The following GABRQ variants were observed in gnomAD, a reference collection of about 807,000 sequenced individuals.
GABRQ encodes the protein gamma-aminobutyric acid type A receptor subunit theta, also known as gamma-aminobutyric acid receptor subunit theta.
In GABRQ, 19 loss-of-function variants were observed where a neutral mutation model predicts 30.5. That is an observed-to-expected ratio of 0.62 (90% CI 0.43 to 0.91). The LOEUF (loss-of-function observed/expected upper bound fraction) is 0.91, where lower values mean the gene tolerates loss of function less well. GABRQ is among the 40% of genes least tolerant of loss of function. The pLI is 0.00. For missense variants in GABRQ, 520 were observed against 521.4 expected (o/e 1.00, Z 0.03); for synonymous variants, 187 against 210.2 (o/e 0.89, Z 0.95).
intron 2 of GABRQ, among the ~76,000 whole-genome samples, chrX:152,642,607 G>A (rs1212737714): frequency 8.9e-6 from 1 of 112,671 alleles, no homozygotes; most frequent in Admixed American, 9.3e-5. Context: ...GTGAAGGAAT[G>A]AAGGAGATAT....
intron 3 of GABRQ, among the ~76,000 whole-genome samples, chrX:152,645,869 C>T (rs1265122070): frequency 8.9e-6 from 1 of 112,606 alleles, no homozygotes; most frequent in Non-Finnish European, 1.9e-5. Context: ...GGCTTTATGT[C>T]TTGCAGTAGG....
intron 5 of GABRQ, 63 bp downstream of exon 5, chrX:152,649,396 G>A: frequency 1.5e-6 from 1 of 686,488 alleles, no homozygotes; most frequent in Non-Finnish European, 2.4e-6. Context: ...GGGAAGCAGA[G>A]GCTGAATTGA....
At chrX:152,642,494 A>G (rs1186581860) in intron 2 of GABRQ, among the ~76,000 whole-genome samples, 2 of 112,647 alleles carry the variant, frequency 1.8e-5, no homozygotes, top group Non-Finnish European at 1.9e-5. Context: ...AACAAAGCCA[A>G]TTCCTTCTAG....
intron 3 of GABRQ, among the ~76,000 whole-genome samples, 182 bp from the exon 4 acceptor site, chrX:152,646,762 TACAC>T (rs1930896185): frequency 8.9e-6 from 1 of 111,890 alleles, no homozygotes; most frequent in African/African-American, 3.3e-5. Context: ...GGATTCTAAT[TACAC>T]AAGATTCATT....
rs369868158 is a variant in GABRQ, at chrX:152,644,091, G to A, written c.239-1436G>A. 1.0e-4 allele frequency among the ~76,000 whole-genome samples: 11 copies of A among 110,359 alleles called. No homozygotes were observed. In the East Asian group the frequency reaches 2.9e-3, roughly 29 times the overall value. ...CTACACACGTTATATACGAGACCACGCTCAAATTCACTCACACATTAACAC... is the reference window on the plus strand; with the variant it reads ...CTACACACGTTATATACGAGACCACACTCAAATTCACTCACACATTAACAC... On this transcript the variant is annotated intron_variant, in intron 2 of 8. Coordinates refer to ENST00000598523, the MANE Select transcript of GABRQ (RefSeq NM_018558.4).
At position 152,653,734 on chromosome X, in the gene GABRQ, A is replaced by G. The variant is rs182126670; in HGVS notation, c.*453A>G. On this transcript the variant is annotated 3_prime_UTR_variant, in exon 9 of 9. Coordinates refer to ENST00000598523, the MANE Select transcript of GABRQ (RefSeq NM_018558.4). ...TTTTCTTCTTTTTTTGTTTCCTCCTAGGGATTATGGGTCTTGTTCACCCTC... is the reference window on the plus strand; with the variant it reads ...TTTTCTTCTTTTTTTGTTTCCTCCTGGGGATTATGGGTCTTGTTCACCCTC... 224 of 115,334 alleles carry G rather than the reference A, an allele frequency of 1.9e-3. No individual in the cohort carries two copies. Among genetic ancestry groups the G allele is most frequent in the African/African-American group, 6.9e-3 (212 of 30,523 alleles). The allele number at this position is 115,334 out of a possible 1,213,427, so 9.5% of individuals were successfully genotyped here.
chrX:152,652,506 T>A, intron 8 of GABRQ, 35 bp from the exon 9 acceptor site: 1 of 1,155,032 alleles, frequency 8.7e-7, no homozygotes, highest in Non-Finnish European at 1.2e-6. Flanking sequence ...CTAGGCGATA[T>A]GAAACTGATG....
chrX:152,646,892 A>G, intron 3 of GABRQ, 56 bp from the exon 4 acceptor site: 2 of 804,291 alleles, frequency 2.5e-6, no homozygotes, highest in Non-Finnish European at 3.8e-6. Context: ...ACACACACCA[A>G]GGATGGAGCT....
chrX:152,638,193 C>CG lies in GABRQ; in HGVS notation c.-9dup. 8.3e-7 allele frequency: 1 copy of CG among 1,207,916 alleles called. No individual in the cohort carries two copies. The highest frequency in any genetic ancestry group is 1.7e-5 in the African/African-American group (1 of 57,937). On this transcript the variant is annotated 5_prime_UTR_variant, in exon 1 of 9. Transcript: ENST00000598523. ...CTCCCGCGCCCTCAGGCGCCCAGAA[C>CG]GCCCCGGCCATGGGCATCCGAGGCA...
chrX:152,643,997 C>A (rs1930821315), intron 2 of GABRQ, among the ~76,000 whole-genome samples: 1 of 111,171 alleles, frequency 9.0e-6, no homozygotes, highest in African/African-American at 3.3e-5. Flanking sequence ...GCTCACACAT[C>A]CAAACACCTT....
rs1930655005 is a variant in GABRQ at position 152,638,124 on chromosome X, C to T, written c.-79C>T. 3.2e-6 allele frequency: 3 copies of T among 927,290 alleles called. No homozygotes were observed. The African/African-American group carries it at 5.8e-5, about 18-fold the overall frequency. The allele number at this position is 927,290 out of a possible 1,213,427, so 76.4% of individuals were successfully genotyped here. A position where few individuals can be genotyped will look rare whatever the true frequency, so the allele number is the denominator to read the frequency against. ...TCCCGCCTTCCCCGGCCCCAGTAGT[C>T]ACCCACTCTCCCACCCCACCTCTGT... On this transcript the variant is annotated 5_prime_UTR_variant, in exon 1 of 9. Transcript: ENST00000598523.
intron 4 of GABRQ, 22 bp downstream of exon 4, chrX:152,647,190 G>C: frequency 1.9e-6 from 2 of 1,080,904 alleles, no homozygotes; most frequent in Non-Finnish European, 2.6e-6. Flanking sequence ...AGGGGTCTGG[G>C]GATGTCCCAG....
intron 8 of GABRQ, 53 bp downstream of exon 8, chrX:152,651,835 G>C (rs898089439): frequency 7.9e-6 from 9 of 1,144,630 alleles, no homozygotes; most frequent in South Asian, 1.9e-5. Context: ...TTGAGCCCAG[G>C]CTTAGCGCTT....
chrX:152,639,378 GCACACACACACA>G (rs199710373), intron 1 of GABRQ, among the ~76,000 whole-genome samples: 2 of 103,346 alleles, frequency 1.9e-5, no homozygotes, highest in African/African-American at 3.6e-5. Context: ...ATGCGCGTGC[GCACACACACACA>G]CACACACACA....
chrX:152,645,449 C>T, intron 2 of GABRQ, 78 bp from the exon 3 acceptor site: 1 of 650,426 alleles, frequency 1.5e-6, no homozygotes, highest in Non-Finnish European at 2.6e-6. Context: ...GGGTTCAAAC[C>T]CAGGCAGCCT....
chrX:152,645,123 A>G (rs1420085089), intron 2 of GABRQ, among the ~76,000 whole-genome samples: 1 of 88,340 alleles, frequency 1.1e-5, no homozygotes, highest in African/African-American at 3.6e-5. Flanking sequence ...TTACACACAG[A>G]CACACATGTG....
chrX:152,648,532 T>C (rs1930943810), intron 4 of GABRQ, among the ~76,000 whole-genome samples: 1 of 109,167 alleles, frequency 9.2e-6, no homozygotes, highest in African/African-American at 3.3e-5. Flanking sequence ...ACCCAGCTAA[T>C]TTTTTGTATT....
chrX:152,651,191 A>G (rs1046028988), intron 7 of GABRQ, among the ~76,000 whole-genome samples: 19 of 111,943 alleles, frequency 1.7e-4, no homozygotes, highest in African/African-American at 5.8e-4. Context: ...CTAAAGCTTT[A>G]TATTTGTGTA....
chrX:152,640,497 G>C (rs1930732950), intron 2 of GABRQ, 31 bp downstream of exon 2: 1 of 911,086 alleles, frequency 1.1e-6, no homozygotes. Context: ...AGAGAACTTG[G>C]GTTAGGTGTC....
Sources: gnomAD v4.1 joint callset for allele counts (sites outside exome capture counted in the v4.1 genomes callset) on GRCh38, gnomAD v4.1.1 for gene constraint, MANE v1.5 for transcripts, NCBI Gene and HGNC (gene_info 2026-07-23, HGNC 2026-07-21) for gene names.